The following DDX19B variants were observed in gnomAD, a reference collection of about 807,000 sequenced individuals.
DDX19B encodes the protein ATP-dependent RNA helicase DDX19B.
DDX19B carries 27 observed loss-of-function variants against 58.1 expected under a neutral mutation model. The observed-to-expected ratio is 0.46, with a 90% CI of 0.34 to 0.64. The LOEUF (loss-of-function observed/expected upper bound fraction) is 0.64, where lower values mean the gene tolerates loss of function less well. Ranked by LOEUF, DDX19B falls within the 30% of genes least tolerant of loss-of-function variation. The pLI is 0.01. For missense variants in DDX19B, 399 were observed against 596.5 expected, an observed-to-expected ratio of 0.67 and a Z score of 3.45; for synonymous variants, 187 against 214.4, an observed-to-expected ratio of 0.87 and a Z score of 1.12.
At chr16:70,304,581 C>T (rs1330651082) in intron 1 of DDX19B, among the ~76,000 whole-genome samples, 9 of 151,938 alleles carry the variant, frequency 5.9e-5, no homozygotes, top group Non-Finnish European at 1.2e-4. Flanking sequence ...CCATGTTGGC[C>T]AGGCTGGTCT....
chr16:70,314,759 G>A (rs1323069213), intron 2 of DDX19B, 143 bp from the exon 3 acceptor site: 1 of 729,582 alleles, frequency 1.4e-6, no homozygotes. Flanking sequence ...ACAATAAAAT[G>A]TTTTTATCAG....
intron 1 of DDX19B, among the ~76,000 whole-genome samples, chr16:70,312,299 AT>A (rs1309680411): frequency 6.6e-6 from 1 of 152,174 alleles, no homozygotes; most frequent in Non-Finnish European, 1.5e-5. Context: ...GACAACTCTA[AT>A]GATATTCTAC....
rs1963033244 is a variant in DDX19B at position 70,324,440 on chromosome 16, T to G, written c.390-145T>G. ...CCACCAGAAAATCTTATTTCTATAGTGCCCTGTTCTTGTGAAGCTAGCATA... is the reference window on the plus strand; with the variant it reads ...CCACCAGAAAATCTTATTTCTATAGGGCCCTGTTCTTGTGAAGCTAGCATA... On this transcript the variant is annotated intron_variant, in intron 5 of 11. Transcript: ENST00000288071. 4.3e-5 allele frequency: 25 copies of G among 576,310 alleles called. No homozygotes were observed. In the South Asian group the frequency reaches 4.7e-4, roughly 11 times the overall value. 35.7% of individuals were successfully genotyped at this position (576,310 alleles called of 1,614,324 possible). A position where few individuals can be genotyped will look rare whatever the true frequency, so the allele number is the denominator to read the frequency against.
At chr16:70,317,773 A>G (rs1962513837) in intron 5 of DDX19B, 185 bp downstream of exon 5, 1 of 399,528 alleles carries the variant, frequency 2.5e-6, no homozygotes, top group Non-Finnish European at 4.5e-6. Context: ...CCCTGTCTCA[A>G]CAAAAAAAAA....
intron 7 of DDX19B, among the ~76,000 whole-genome samples, chr16:70,327,916 T>C (rs8046280): frequency 0.072 from 10,897 of 152,072 alleles, 1,315 homozygotes; most frequent in African/African-American, 0.25. Context: ...TTTGGGAGCC[T>C]AAGGTGGGTG....
intron 5 of DDX19B, among the ~76,000 whole-genome samples, chr16:70,321,032 G>A (rs190546151): frequency 5.1e-4 from 75 of 147,064 alleles, no homozygotes; most frequent in Admixed American, 9.7e-4. Flanking sequence ...GCGCGATCTC[G>A]GTTCACCGCA....
At chr16:70,327,395 T>C (rs1262225608) in intron 7 of DDX19B, among the ~76,000 whole-genome samples, 1 of 151,858 alleles carries the variant, frequency 6.6e-6, no homozygotes, top group Non-Finnish European at 1.5e-5. Context: ...TAGCCAGGTG[T>C]GGTGGCATGT....
At chr16:70,294,380 C>A (rs1369769137), upstream of DDX19B, among the ~76,000 whole-genome samples, 1 of 152,072 alleles carries the variant, frequency 6.6e-6, no homozygotes, top group Non-Finnish European at 1.5e-5. Flanking sequence ...CGTGCCCGGC[C>A]GAGAGCCTGC....
chr16:70,325,455 TTAATGTACATATTCTTTCCTTCA>T, intron 6 of DDX19B, 96 bp from the exon 7 acceptor site: 1 of 691,970 alleles, frequency 1.4e-6, no homozygotes, highest in Non-Finnish European at 2.6e-6. Context: ...GGTGTACATT[TTAATGTACATATTCTTTCCTTCA>T]GCTTCAGCTG....
intron 7 of DDX19B, among the ~76,000 whole-genome samples, chr16:70,326,974 A>G (rs1351957570): frequency 6.6e-6 from 1 of 151,730 alleles, no homozygotes; most frequent in Non-Finnish European, 1.5e-5. Flanking sequence ...AGCTGGGACT[A>G]CAGGCGCCCA....
At chr16:70,303,949 A>G (rs1961606944) in intron 1 of DDX19B, among the ~76,000 whole-genome samples, 2 of 152,188 alleles carry the variant, frequency 1.3e-5, no homozygotes. Flanking sequence ...TGTGTTCTCT[A>G]GAAGTCTTAT....
intron 1 of DDX19B, among the ~76,000 whole-genome samples, chr16:70,308,107 C>T (rs1464521091): frequency 6.6e-6 from 1 of 151,148 alleles, no homozygotes; most frequent in African/African-American, 2.4e-5. Context: ...CACCCACCAC[C>T]ATGCCCAGCT....
In DDX19B at chr16:70,333,105, A is replaced by G. The variant is rs1459290158; in HGVS notation, c.1324A>G (p.Met442Val). The stretch of plus-strand genomic sequence containing the variant: ...TGGCAAGAGGGGCCTGGCAGTGAAC[A>G]TGGTGGACAGCAAGCACAGCATGAA... ...RFGKRGLAVN[M>V]VDSKHSMNIL... The change falls in exon 11 of 12, where the codon ATG (methionine) becomes GTG (valine). Residue 442 changes from methionine (M) to valine (V), a missense_variant. By Grantham distance (21) the Met-to-Val change is conservative. This residue lies in a region of DDX19B where 198 missense variants were observed against 345.9 expected (regional missense o/e 0.57). Transcript: ENST00000288071. 1.2e-5 allele frequency: 19 copies of G among 1,571,512 alleles called. No homozygotes were observed. The highest frequency in any genetic ancestry group is 1.6e-5 in the Non-Finnish European group (19 of 1,155,114).
rs1259515123 is a variant in DDX19B, at chr16:70,324,566, T to C, written c.390-19T>C. 7 of 1,605,482 alleles carry C rather than the reference T, an allele frequency of 4.4e-6. No homozygotes were observed. In the Admixed American group the frequency reaches 1.2e-4, roughly 28 times the overall value. On this transcript the variant is annotated intron_variant, in intron 5 of 11. Transcript: ENST00000288071. Reference sequence around the variant, plus strand: ...AAAGGTTGAGATTTAAGCTCCTAACTAGTTTGTTTCTTGCGCAGCCCACAG... The same window carrying C: ...AAAGGTTGAGATTTAAGCTCCTAACCAGTTTGTTTCTTGCGCAGCCCACAG...
chr16:70,325,741 A>G, intron 7 of DDX19B, 53 bp downstream of exon 7: 1 of 1,344,664 alleles, frequency 7.4e-7, no homozygotes. Context: ...TTTATTTTGA[A>G]ATATTTCAAA....
chr16:70,320,643 G>A (rs1470731083), intron 5 of DDX19B, among the ~76,000 whole-genome samples: 3 of 151,346 alleles, frequency 2.0e-5, no homozygotes, highest in African/African-American at 7.3e-5. Context: ...CACCTCCCAG[G>A]TCCTGGATCA....
upstream of DDX19B, among the ~76,000 whole-genome samples, chr16:70,294,562 C>T (rs1961151836): frequency 6.6e-6 from 1 of 152,184 alleles, no homozygotes; most frequent in Admixed American, 6.5e-5. Flanking sequence ...AAATGAGTGA[C>T]CACTATGTGT....
rs568228762 is a variant in DDX19B at position 70,323,783 on chromosome 16, C to G, written c.390-802C>G. Among the ~76,000 whole-genome samples, 9 of 152,270 alleles carry G rather than the reference C, an allele frequency of 5.9e-5. No individual in the cohort carries two copies. The East Asian group carries it at 1.7e-3, about 29-fold the overall frequency. On this transcript the variant is annotated intron_variant, in intron 5 of 11. Transcript: ENST00000288071. ...AAGGCAAGACTTGGTTCTTGCCACT[C>G]TTACCCCCTACCCTGCTACCAAAAC...
intron 7 of DDX19B, 71 bp from the exon 8 acceptor site, chr16:70,329,220 CT>C (rs1368246543): frequency 3.5e-5 from 45 of 1,299,542 alleles, no homozygotes; most frequent in Middle Eastern, 2.2e-4. Flanking sequence ...GAGACTCTGT[CT>C]CAAAAAAAAA....
Sources: gnomAD v4.1 joint callset for allele counts (sites outside exome capture counted in the v4.1 genomes callset) on GRCh38, gnomAD v4.1.1 for gene constraint, gnomAD v4.1.1 regional missense constraint, MANE v1.5 for transcripts, NCBI Gene and HGNC (gene_info 2026-07-23, HGNC 2026-07-21) for gene names.